The following STAU2 variants were observed in gnomAD, a reference collection of about 807,000 sequenced individuals.
STAU2 encodes the protein staufen double-stranded RNA binding protein 2.
Under a neutral mutation model 65.9 loss-of-function variants are expected in STAU2, and 20 were observed. That is an observed-to-expected ratio of 0.30 (90% CI 0.21 to 0.44). The LOEUF is 0.44. Among genes scored for constraint, STAU2 ranks in the 20% least tolerant of loss-of-function variants. The pLI is 1.00. For missense variants in STAU2, 558 were observed against 683.9 expected (o/e 0.82, Z 2.05); for synonymous variants, 232 against 233.9 (o/e 0.99, Z 0.07).
chr8:73,604,455 C>T (rs1423943330), intron 9 of STAU2, among the ~76,000 whole-genome samples: 2 of 152,076 alleles, frequency 1.3e-5, no homozygotes, highest in Non-Finnish European at 2.9e-5. Context: ...ATCTTGAACT[C>T]CTGACCTCAG....
chr8:73,486,611 T>TTATA (rs138537650), intron 13 of STAU2, among the ~76,000 whole-genome samples: 30,040 of 143,344 alleles, frequency 0.21, 3,893 homozygotes, highest in East Asian at 0.5. Flanking sequence ...AAAATATCCA[T>TTATA]TATATATATA....
intron 5 of STAU2, among the ~76,000 whole-genome samples, chr8:73,687,438 T>TATTTA: frequency 7.4e-6 from 1 of 135,724 alleles, no homozygotes; most frequent in South Asian, 2.1e-4. Flanking sequence ...TATATATTTA[T>TATTTA]AATATATAAA....
intron 9 of STAU2, among the ~76,000 whole-genome samples, chr8:73,604,184 C>A (rs1811844956): frequency 6.6e-6 from 1 of 152,128 alleles, no homozygotes; most frequent in African/African-American, 2.4e-5. Context: ...AGAAGACCAA[C>A]CATGAACTGG....
Position 73,477,647 on chromosome 8 carries a change from A to G in STAU2, c.1531-54945T>C, listed in dbSNP as rs187670005. 2.8e-3 allele frequency among the ~76,000 whole-genome samples: 426 copies of G among 152,304 alleles called. 1 individual carries two copies. Among genetic ancestry groups the G allele is most frequent in the Non-Finnish European group, 4.6e-3 (313 of 68,012 alleles). On this transcript the variant is annotated intron_variant, in intron 13 of 14. Coordinates refer to ENST00000524300, the MANE Select transcript of STAU2 (RefSeq NM_001164380.2). The stretch of plus-strand genomic sequence containing the variant: ...TGCCATAGTCAGGCTAAAGAGGACA[A>G]TGCTAACTGAGGGCAGGGCCAGTAG...
intron 13 of STAU2, among the ~76,000 whole-genome samples, chr8:73,458,325 T>C (rs1397346318): frequency 6.6e-6 from 1 of 152,258 alleles, no homozygotes; most frequent in Non-Finnish European, 1.5e-5. Context: ...TTCAGTATTA[T>C]TCTAAGAAAT....
chr8:73,478,049 T>TG (rs36070339), intron 13 of STAU2, among the ~76,000 whole-genome samples: 16,452 of 150,564 alleles, frequency 0.11, 1,222 homozygotes, highest in African/African-American at 0.21. Flanking sequence ...TATATATATT[T>TG]TTTTTTGTAG....
chr8:73,732,229 C>T (rs1438997860), intron 3 of STAU2, among the ~76,000 whole-genome samples: 1 of 152,222 alleles, frequency 6.6e-6, no homozygotes, highest in Non-Finnish European at 1.5e-5. Context: ...TGGGCCTCCC[C>T]ATCGGGCCAT....
At chr8:73,421,772 A>C (rs780423534) in intron 14 of STAU2, among the ~76,000 whole-genome samples, 19 of 152,162 alleles carry the variant, frequency 1.2e-4, no homozygotes, top group Non-Finnish European at 2.5e-4. Flanking sequence ...TCTTATTAAA[A>C]ATTTTTTGGA....
chr8:73,523,818 T>C (rs1187669861), intron 13 of STAU2, among the ~76,000 whole-genome samples: 1 of 152,050 alleles, frequency 6.6e-6, no homozygotes, highest in Non-Finnish European at 1.5e-5. Flanking sequence ...TCATAGGAGT[T>C]TGTGTGCCAT....
At chr8:73,577,159 T>G (rs1809620753) in intron 12 of STAU2, among the ~76,000 whole-genome samples, 1 of 152,192 alleles carries the variant, frequency 6.6e-6, no homozygotes, top group Non-Finnish European at 1.5e-5. Context: ...CCGGGTACAC[T>G]GGCTCACGCC....
intron 13 of STAU2, among the ~76,000 whole-genome samples, chr8:73,492,551 G>A (rs190773175): frequency 3.9e-5 from 6 of 151,970 alleles, no homozygotes; most frequent in African/African-American, 1.2e-4. Context: ...AAATGCCAAT[G>A]CCATCAACAT....
Position 73,595,272 on chromosome 8 carries a change from G to A in STAU2, c.1055C>T (p.Thr352Ile). The change falls in exon 11 of 15, where the codon ACA becomes ATA. Residue 352 changes from threonine to isoleucine, a missense_variant. Thr to Ile is a moderately conservative substitution (Grantham distance 89, BLOSUM62 -1). Coordinates refer to ENST00000524300, the MANE Select transcript of STAU2 (RefSeq NM_001164380.2). ...MQVKVGNEVA[T>I]GTGPNKKIAK... ...TATCTTTTTATTAGGTCCTGTTCCT[G>A]TAGCAACTTCATTGCCTACCTTCAC... 6.2e-7 allele frequency: 1 copy of A among 1,607,760 alleles called. No homozygotes were observed. The highest frequency in any genetic ancestry group is 8.5e-7 in the Non-Finnish European group (1 of 1,177,752).
At chr8:73,650,727 T>C (rs535885071) in intron 6 of STAU2, among the ~76,000 whole-genome samples, 9 of 152,330 alleles carry the variant, frequency 5.9e-5, no homozygotes, top group African/African-American at 2.2e-4. Flanking sequence ...TTTTTCCTTC[T>C]AAAGAAAAAT....
intron 3 of STAU2, among the ~76,000 whole-genome samples, chr8:73,721,224 AG>A (rs1279386639): frequency 1.4e-5 from 2 of 144,704 alleles, no homozygotes; most frequent in Non-Finnish European, 3.0e-5. Context: ...CAGGAGGTCA[AG>A]GCTGCAGTCA....
chr8:73,566,909 G>A (rs1005964174), intron 12 of STAU2, among the ~76,000 whole-genome samples: 2 of 152,132 alleles, frequency 1.3e-5, no homozygotes, highest in Admixed American at 6.6e-5. Flanking sequence ...ACATCTTGAG[G>A]TCTGAATTCA....
In STAU2 at chr8:73,715,635, T is replaced by C. The variant is rs147886853; in HGVS notation, c.-17-6473A>G. Among the ~76,000 whole-genome samples the C allele has an allele frequency of 3.8e-3, 577 of 152,222 alleles. 2 individuals are homozygous for C. Among genetic ancestry groups the C allele is most frequent in the African/African-American group, 0.013 (556 of 41,528 alleles). The stretch of plus-strand genomic sequence containing the variant: ...AGTACAAAATTTCTGATGGGCAACA[T>C]TGATTAAAGTTTCAATTGTACCTAT... On this transcript the variant is annotated intron_variant, in intron 3 of 14. Coordinates refer to ENST00000524300, the MANE Select transcript of STAU2 (RefSeq NM_001164380.2).
intron 6 of STAU2, among the ~76,000 whole-genome samples, chr8:73,632,266 A>G (rs1186475834): frequency 1.3e-5 from 2 of 151,570 alleles, no homozygotes; most frequent in Non-Finnish European, 2.9e-5. Flanking sequence ...AGTACATTAA[A>G]AAAAAAAAAA....
intron 9 of STAU2, among the ~76,000 whole-genome samples, chr8:73,607,576 AC>A (rs1219367409): frequency 1.3e-5 from 2 of 151,966 alleles, no homozygotes; most frequent in African/African-American, 2.4e-5. Context: ...CTAAAAAAAA[AC>A]ATACAAAAAA....
intron 11 of STAU2, among the ~76,000 whole-genome samples, chr8:73,592,728 T>C (rs1810913278): frequency 6.6e-6 from 1 of 152,026 alleles, no homozygotes; most frequent in Non-Finnish European, 1.5e-5. Context: ...GGCATGGTGG[T>C]GCACACTGTA....
Sources: allele counts gnomAD v4.1 joint callset (sites outside exome capture counted in the v4.1 genomes callset), GRCh38; gene constraint gnomAD v4.1.1; transcripts MANE v1.5; gene names NCBI Gene and HGNC (gene_info 2026-07-23, HGNC 2026-07-21).